USP47: variants seen among roughly 807,000 people sequenced by gnomAD.
USP47 encodes ubiquitin specific peptidase 47.
In USP47, 35 loss-of-function variants were observed where a neutral mutation model predicts 165.1. The observed-to-expected ratio is 0.21, with a 90% CI of 0.16 to 0.28. The LOEUF (loss-of-function observed/expected upper bound fraction) is 0.28, where lower values mean the gene tolerates loss of function less well. Ranked by LOEUF, USP47 falls within the 10% of genes least tolerant of loss-of-function variation. USP47 has a pLI of 1.00. For missense variants in USP47, 1,277 were observed against 1,607.4 expected (o/e 0.79, Z 3.52); for synonymous variants, 531 against 544.5 (o/e 0.98, Z 0.35).
Position 11,942,603 on chromosome 11 carries a change from AAAGCTTGTC to A in USP47, c.2584_2592del (p.Ser862_Ser864del), listed in dbSNP as rs1277608190. 8 of 1,613,446 alleles carry A rather than the reference AAAGCTTGTC, an allele frequency of 5.0e-6. No individual in the cohort carries two copies. The Admixed American group carries it at 1.3e-4, about 27-fold the overall frequency. On this transcript the variant is annotated inframe_deletion, in exon 20 of 28. Coordinates refer to ENST00000527733, the MANE Select transcript of USP47 (RefSeq NM_001282659.2). ...CTAGAAGAAAGCACTGAAAAACTCA[AAAGCTTGTC>A]ACTGCAGCAACAGCAGGATGGAGAT...
Position 11,854,240 on chromosome 11 carries a change from T to C in USP47, c.39+12016T>C, listed in dbSNP as rs529957779. ...TTAATCCTAAAATCCTACAGCACCT[T>C]TGGCATTTGAAAAATTCTGCTTCTT... is the stretch of plus-strand genomic sequence containing the variant. On this transcript the variant is annotated intron_variant, in intron 1 of 27. Transcript: ENST00000527733. Among the ~76,000 whole-genome samples, 168 of 147,258 alleles carry C rather than the reference T, an allele frequency of 1.1e-3. 21 individuals carry two copies. Among genetic ancestry groups the C allele is most frequent in the Admixed American group, 2.1e-3 (31 of 14,700 alleles).
At chr11:11,936,638 A>G in intron 17 of USP47, 128 bp downstream of exon 17, 1 of 762,706 alleles carries the variant, frequency 1.3e-6, no homozygotes, top group Non-Finnish European at 1.9e-6. Flanking sequence ...AATAATTTTG[A>G]CAGGTTGAGA....
chr11:11,883,407 G>C (rs1850953832), intron 2 of USP47, among the ~76,000 whole-genome samples: 1 of 152,098 alleles, frequency 6.6e-6, no homozygotes, highest in Non-Finnish European at 1.5e-5. Flanking sequence ...CACCCTCATA[G>C]GTGAAGAAAC....
At chr11:11,911,948 A>G (rs998309520) in intron 8 of USP47, among the ~76,000 whole-genome samples, 1 of 152,076 alleles carries the variant, frequency 6.6e-6, no homozygotes, top group Non-Finnish European at 1.5e-5. Context: ...ATCACAAAAC[A>G]CTTGGGAAAT....
chr11:11,954,774 TA>T (rs1271900686), intron 25 of USP47, 122 bp from the exon 26 acceptor site: 5 of 1,162,630 alleles, frequency 4.3e-6, no homozygotes, highest in Non-Finnish European at 5.9e-6. Flanking sequence ...TGCTTTTTCT[TA>T]ATTTTTTTAC....
chr11:11,923,168 A>G (rs1303311923), intron 11 of USP47, among the ~76,000 whole-genome samples: 1 of 150,166 alleles, frequency 6.7e-6, no homozygotes, highest in Non-Finnish European at 1.5e-5. Context: ...TGTCTAAGCA[A>G]GCTGGATGGT....
At chr11:11,911,547 A>G (rs1425871970) in intron 8 of USP47, among the ~76,000 whole-genome samples, 1 of 152,188 alleles carries the variant, frequency 6.6e-6, no homozygotes, top group Non-Finnish European at 1.5e-5. Flanking sequence ...GTGTCAAACA[A>G]CCGAGAAGAC....
intron 1 of USP47, among the ~76,000 whole-genome samples, chr11:11,857,553 T>A (rs1307578582): frequency 6.6e-6 from 1 of 152,190 alleles, no homozygotes; most frequent in East Asian, 1.9e-4. Flanking sequence ...TTGAGTAATA[T>A]GATTTTAACA....
At chr11:11,902,344 G>C (rs1852283241) in intron 5 of USP47, among the ~76,000 whole-genome samples, 1 of 152,164 alleles carries the variant, frequency 6.6e-6, no homozygotes, top group Non-Finnish European at 1.5e-5. Context: ...TTTGGGTTTT[G>C]ATGGTTGTAT....
At position 11,959,499 on chromosome 11, in the gene USP47, G is replaced by T. The variant is rs1487196843; in HGVS notation, c.*3324G>T. ...GTTCATGGCCCAAATGAAGCTTGTG[G>T]CCACCTAGGTTTAGTGTACATGAAA... On this transcript the variant is annotated 3_prime_UTR_variant, in exon 28 of 28. Transcript: ENST00000527733. Among the ~76,000 whole-genome samples, 1 of 152,124 alleles carries T rather than the reference G, an allele frequency of 6.6e-6. No individual in the cohort carries two copies. Among genetic ancestry groups the T allele is most frequent in the Non-Finnish European group, 1.5e-5 (1 of 68,030 alleles).
rs1195467984 is a variant in USP47 at position 11,960,601 on chromosome 11, G to T, written c.*4426G>T. On this transcript the variant is annotated 3_prime_UTR_variant, in exon 28 of 28. Transcript: ENST00000527733. Reference sequence around the variant, plus strand: ...AAAATCTAACCTCTCCTCCCTCAACGGAGTGTCAGGGAGGGGAAGAATCTG... The same window carrying T: ...AAAATCTAACCTCTCCTCCCTCAACTGAGTGTCAGGGAGGGGAAGAATCTG... Among the ~76,000 whole-genome samples, 1 of 152,128 alleles carries T rather than the reference G, an allele frequency of 6.6e-6. No homozygotes were observed. The highest frequency in any genetic ancestry group is 1.5e-5 in the Non-Finnish European group (1 of 68,024).
intron 1 of USP47, among the ~76,000 whole-genome samples, chr11:11,843,628 T>G (rs1192564347): frequency 1.3e-5 from 2 of 152,264 alleles, no homozygotes; most frequent in African/African-American, 4.8e-5. Context: ...GGTTTTCATT[T>G]TTATAAAAAA....
intron 20 of USP47, 199 bp downstream of exon 20, chr11:11,943,311 T>G (rs1855610784): frequency 2.3e-6 from 1 of 435,892 alleles, no homozygotes; most frequent in East Asian, 3.5e-5. Flanking sequence ...ATCAGAACTC[T>G]GAGATAAGAA....
intron 1 of USP47, among the ~76,000 whole-genome samples, chr11:11,850,267 A>T (rs983907611): frequency 1.4e-5 from 2 of 143,070 alleles, no homozygotes; most frequent in South Asian, 2.2e-4. Context: ...GGTTTCTCTA[A>T]TTTTCTTGTC....
At chr11:11,864,334 A>G (rs1564855046) in intron 1 of USP47, among the ~76,000 whole-genome samples, 1 of 152,132 alleles carries the variant, frequency 6.6e-6, no homozygotes, top group Non-Finnish European at 1.5e-5. Context: ...TATGGAGTTA[A>G]GCTATTTATA....
chr11:11,910,484 T>C (rs568057105), intron 8 of USP47, among the ~76,000 whole-genome samples: 1 of 152,108 alleles, frequency 6.6e-6, no homozygotes, highest in Non-Finnish European at 1.5e-5. Context: ...CATCAACTTG[T>C]GCCTGCCAGT....
At chr11:11,907,992 G>A (rs1278612633) in intron 8 of USP47, among the ~76,000 whole-genome samples, 2 of 152,062 alleles carry the variant, frequency 1.3e-5, no homozygotes, top group African/African-American at 2.4e-5. Context: ...GGAGGCAGAG[G>A]CAGGAGAATT....
chr11:11,842,672 C>A (rs184167428), intron 1 of USP47, among the ~76,000 whole-genome samples: 11 of 152,230 alleles, frequency 7.2e-5, no homozygotes, highest in African/African-American at 2.4e-4. Flanking sequence ...CAAGTGAGAT[C>A]TGTGGGAGGG....
Position 11,948,132 on chromosome 11 carries a change from T to G in USP47, c.3267+12T>G, listed in dbSNP as rs1331269285. The G allele has an allele frequency of 6.3e-7, 1 of 1,598,740 alleles. No individual in the cohort carries two copies. The highest frequency in any genetic ancestry group is 8.5e-7 in the Non-Finnish European group (1 of 1,174,780). On this transcript the variant is annotated intron_variant, in intron 21 of 27. Coordinates refer to ENST00000527733, the MANE Select transcript of USP47 (RefSeq NM_001282659.2). ...CTGATGACAATAAGGTTGATTAAAA[T>G]AATCTTCGAGTAGTTAGAGTCTATT...
Sources: allele counts gnomAD v4.1 joint callset (sites outside exome capture counted in the v4.1 genomes callset), GRCh38; gene constraint gnomAD v4.1.1; transcripts MANE v1.5; gene names NCBI Gene and HGNC (gene_info 2026-07-23, HGNC 2026-07-21).